Variants in MEX3C observed in about 807,000 individuals in gnomAD.
MEX3C encodes the protein RNA-binding E3 ubiquitin-protein ligase MEX3C.
MEX3C carries 15 observed loss-of-function variants against 35.5 expected under a neutral mutation model. The observed-to-expected ratio is 0.42, with a 90% CI of 0.28 to 0.65. The LOEUF is 0.65. Among genes scored for constraint, MEX3C ranks in the 30% least tolerant of loss-of-function variants. MEX3C has a pLI of 0.20. For missense variants in MEX3C, 711 were observed against 842.8 expected (o/e 0.84, Z 1.94); for synonymous variants, 390 against 352.8 (o/e 1.11, Z -1.18).
chr18:51,183,959 C>T (rs1912481524), intron 1 of MEX3C, among the ~76,000 whole-genome samples: 2 of 152,062 alleles, frequency 1.3e-5, no homozygotes, highest in African/African-American at 2.4e-5. Flanking sequence ...TATGATCACA[C>T]CAATGCACTC....
intron 1 of MEX3C, among the ~76,000 whole-genome samples, chr18:51,188,316 G>A (rs1912580858): frequency 6.6e-6 from 1 of 152,134 alleles, no homozygotes; most frequent in South Asian, 2.1e-4. Flanking sequence ...ATAAAAAGCT[G>A]TTTGGCCAGT....
Position 51,197,530 on chromosome 18 carries a change from G to A in MEX3C, c.-210C>T, listed in dbSNP as rs1351333766. Among the ~76,000 whole-genome samples, 2 of 133,058 alleles carry A rather than the reference G, an allele frequency of 1.5e-5. No homozygotes were observed. The highest frequency in any genetic ancestry group is 3.2e-5 in the Non-Finnish European group (2 of 61,698). 87.3% of individuals were successfully genotyped at this position (133,058 alleles called of 152,430 possible). A position where few individuals can be genotyped will look rare whatever the true frequency, so the allele number is the denominator to read the frequency against. On this transcript the variant is annotated 5_prime_UTR_variant, in exon 1 of 2. Coordinates refer to ENST00000406189, the MANE Select transcript of MEX3C (RefSeq NM_016626.5). ...GGAGGGGCAGGGGAAGGAGGCAGAGGTAGGTAACTAGGTGGGTGGGTGGGG... is the reference window on the plus strand; with the variant it reads ...GGAGGGGCAGGGGAAGGAGGCAGAGATAGGTAACTAGGTGGGTGGGTGGGG...
rs1912850180 is a variant in MEX3C at position 51,197,538 on chromosome 18, C to CTAGG, written c.-222_-219dup. ...AGGGGAAGGAGGCAGAGGTAGGTAA[C>CTAGG]TAGGTGGGTGGGTGGGGACGGCGGC... On this transcript the variant is annotated 5_prime_UTR_variant, in exon 1 of 2. Transcript: ENST00000406189. Among the ~76,000 whole-genome samples, 1 of 76,844 alleles carries CTAGG rather than the reference C, an allele frequency of 1.3e-5. No homozygotes were observed. Among genetic ancestry groups the CTAGG allele is most frequent in the Non-Finnish European group, 2.5e-5 (1 of 39,804 alleles). 50.4% of individuals were successfully genotyped at this position (76,844 alleles called of 152,430 possible).
At position 51,176,994 on chromosome 18, in the gene MEX3C, C is replaced by T; in HGVS notation, c.1337G>A (p.Ser446Asn). Residue 446 changes from serine to asparagine, a missense_variant, in exon 2 of 2, where the codon AGT becomes AAT. Physicochemically the swap from Ser to Asn is conservative, Grantham distance 46 (BLOSUM62 1). This residue lies in a region of MEX3C where 187 missense variants were observed against 201.7 expected (regional missense o/e 0.93). Coordinates refer to ENST00000406189, the MANE Select transcript of MEX3C (RefSeq NM_016626.5). ...ARMISNYRNDSSSSLGSGSTD... is the reference protein window; with the variant it reads ...ARMISNYRNDNSSSLGSGSTD... ...AGAGCCACTTCCTAGAGAACTGGAACTATCATTTCGATAATTGGATATCAT... is the reference window on the plus strand; with the variant it reads ...AGAGCCACTTCCTAGAGAACTGGAATTATCATTTCGATAATTGGATATCAT... The T allele has an allele frequency of 1.2e-6, 2 of 1,613,998 alleles. No homozygotes were observed. Among genetic ancestry groups the T allele is most frequent in the Non-Finnish European group, 1.7e-6 (2 of 1,179,894 alleles).
At chr18:51,195,276 GAAC>G (rs1912752036) in intron 1 of MEX3C, 1 of 152,216 alleles carries the variant, frequency 6.6e-6, no homozygotes, top group African/African-American at 2.4e-5. Context: ...TTAACCAGAA[GAAC>G]GACAAGCATA....
At position 51,176,639 on chromosome 18, in the gene MEX3C, T is replaced by G. The variant is rs752473481; in HGVS notation, c.1692A>C (p.Pro564=). The G allele has an allele frequency of 1.2e-6, 2 of 1,614,018 alleles. No individual in the cohort carries two copies. The highest frequency in any genetic ancestry group is 1.1e-5 in the South Asian group (1 of 91,082). The change falls in exon 2 of 2, where the codon CCA becomes CCC. Residue 564 remains proline, a synonymous_variant. Transcript: ENST00000406189. The stretch of plus-strand genomic sequence containing the variant: ...GGCCAACATGGTTGCCTGTACTAGG[T>G]GGGTCGCTCCTAACCCTCCGAGCAA... The part of the protein sequence containing the change: ...HPLARRVRSD[P]PSTGNHVGLP...
intron 1 of MEX3C, among the ~76,000 whole-genome samples, chr18:51,187,830 A>T (rs1240764658): frequency 2.0e-5 from 3 of 152,232 alleles, no homozygotes; most frequent in Non-Finnish European, 2.9e-5. Context: ...TTCCCCTTGG[A>T]ATAGTCTAGA....
chr18:51,191,171 T>G (rs1912641918), intron 1 of MEX3C, among the ~76,000 whole-genome samples: 1 of 152,222 alleles, frequency 6.6e-6, no homozygotes, highest in African/African-American at 2.4e-5. Flanking sequence ...TATAAAATAG[T>G]ACTGTAGTAG....
Position 51,176,362 on chromosome 18 carries a change from T to C in MEX3C, c.1969A>G (p.Ile657Val). The C allele has an allele frequency of 6.2e-7, 1 of 1,613,090 alleles. No homozygotes were observed. Among genetic ancestry groups the C allele is most frequent in the Non-Finnish European group, 8.5e-7 (1 of 1,179,470 alleles). Residue 657 changes from isoleucine (I) to valine (V), a missense_variant, in exon 2 of 2, where the codon ATT (isoleucine) becomes GTT (valine). This residue lies in a region of MEX3C where 87 missense variants were observed against 150.4 expected (regional missense o/e 0.58). Transcript: ENST00000406189. ...CQTAVTQAIQ[I>V]HS is the part of the protein sequence containing the mutation. ...GTATATATATATAGTTAAGAGTGAA[T>C]TTGGATTGCCTGAGTAACAGCTGTC...
chr18:51,196,585 C>T lies in MEX3C; in HGVS notation c.736G>A (p.Glu246Lys). ...CACTCACCCTGGCGGCCGACGATCT[C>T]GGCGACGTGCTCGGAGCTGGGCACC... is the stretch of plus-strand genomic sequence containing the variant. ...VPVPSSEHVA[E>K]IVGRQGCKIK... The change falls in exon 1 of 2, where the codon GAG becomes AAG. Residue 246 changes from glutamate to lysine, a missense_variant. Physicochemically the swap from Glu to Lys is moderately conservative, Grantham distance 56. This residue lies in a region of MEX3C where 83 missense variants were observed against 179.1 expected (regional missense o/e 0.46). Coordinates refer to ENST00000406189, the MANE Select transcript of MEX3C (RefSeq NM_016626.5). The T allele has an allele frequency of 6.3e-7, 1 of 1,591,130 alleles. No individual in the cohort carries two copies.
rs561131895 is a variant in MEX3C at position 51,187,230 on chromosome 18, C to G, written c.754+9337G>C. Among the ~76,000 whole-genome samples, 31 of 152,208 alleles carry G rather than the reference C, an allele frequency of 2.0e-4. No homozygotes were observed. The South Asian group carries it at 5.4e-3, about 26-fold the overall frequency. ...GTATTCCTTTTCCTCCCTGAGTTAT[C>G]TGAATAACAAACATGGCCATTTGGA... On this transcript the variant is annotated intron_variant, in intron 1 of 1. Coordinates refer to ENST00000406189, the MANE Select transcript of MEX3C (RefSeq NM_016626.5).
rs1383397100 is a variant in MEX3C at position 51,177,803 on chromosome 18, A to C, written c.755-227T>G. Reference sequence around the variant, plus strand: ...TCGATTTTCACAATTATCTGACAGAAGTTATTAAACTGACTTCCACCTAAT... The same window carrying C: ...TCGATTTTCACAATTATCTGACAGACGTTATTAAACTGACTTCCACCTAAT... On this transcript the variant is annotated intron_variant, in intron 1 of 1. Transcript: ENST00000406189. The surrounding 1 kb of genome is among the most constrained non-coding windows in gnomAD (Gnocchi z 4.2). Among the ~76,000 whole-genome samples the C allele has an allele frequency of 6.6e-6, 1 of 152,214 alleles. No homozygotes were observed. The highest frequency in any genetic ancestry group is 1.5e-5 in the Non-Finnish European group (1 of 68,032).
Position 51,177,389 on chromosome 18 carries a change from C to T in MEX3C, c.942G>A (p.Leu314=), listed in dbSNP as rs763235817. 49 of 1,613,974 alleles carry T rather than the reference C, an allele frequency of 3.0e-5. No individual in the cohort carries two copies. Among genetic ancestry groups the T allele is most frequent in the Non-Finnish European group, 4.0e-5 (47 of 1,179,884 alleles). ...RASRNKNGPA[L]GGLSCSPNLP... The stretch of plus-strand genomic sequence containing the variant: ...GATTAGGACTACATGATAATCCTCC[C>T]AGGGCAGGCCCATTTTTGTTTCGAG... Residue 314 remains leucine, a synonymous_variant, in exon 2 of 2, where the codon CTG becomes CTA. Coordinates refer to ENST00000406189, the MANE Select transcript of MEX3C (RefSeq NM_016626.5). The surrounding 1 kb of genome is among the most constrained non-coding windows in gnomAD (Gnocchi z 4.2).
In MEX3C at chr18:51,175,352, T is replaced by C. The variant is rs1186699631; in HGVS notation, c.*999A>G. On this transcript the variant is annotated 3_prime_UTR_variant, in exon 2 of 2. Transcript: ENST00000406189. Reference sequence around the variant, plus strand: ...AATCTTTCCTTGTGATTGGAAATAGTTTTGAAATGAAGTAAACTGATTGGA... The same window carrying C: ...AATCTTTCCTTGTGATTGGAAATAGCTTTGAAATGAAGTAAACTGATTGGA... 6.6e-6 allele frequency: 1 copy of C among 152,600 alleles called. No individual in the cohort carries two copies. 9.5% of individuals were successfully genotyped at this position (152,600 alleles called of 1,614,324 possible).
At chr18:51,180,231 G>T (rs541904978) in intron 1 of MEX3C, among the ~76,000 whole-genome samples, 10 of 152,172 alleles carry the variant, frequency 6.6e-5, no homozygotes, top group African/African-American at 2.4e-4. Context: ...TACCTAACAG[G>T]TATATTATTA....
chr18:51,190,530 A>C (rs990673212), intron 1 of MEX3C, among the ~76,000 whole-genome samples: 1 of 152,136 alleles, frequency 6.6e-6, no homozygotes, highest in Non-Finnish European at 1.5e-5. Flanking sequence ...GCTTAGTCTT[A>C]TTATTCCATG....
intron 1 of MEX3C, among the ~76,000 whole-genome samples, chr18:51,179,031 T>A (rs1912366784): frequency 6.7e-6 from 1 of 149,306 alleles, no homozygotes; most frequent in African/African-American, 2.5e-5. Context: ...TGAGACAGAG[T>A]CTCGCTCTGT....
At chr18:51,181,089 T>C (rs1912418235) in intron 1 of MEX3C, among the ~76,000 whole-genome samples, 1 of 152,206 alleles carries the variant, frequency 6.6e-6, no homozygotes, top group African/African-American at 2.4e-5. Flanking sequence ...CTTTTTTGAG[T>C]ACTTTGAGTT....
intron 1 of MEX3C, chr18:51,193,897 C>G (rs770483473): frequency 2.2e-4 from 34 of 152,170 alleles, no homozygotes; most frequent in Admixed American, 2.2e-3. Flanking sequence ...TGCTTCAGAG[C>G]TGAAGTCATA....
Sources: gnomAD v4.1 joint callset for allele counts (sites outside exome capture counted in the v4.1 genomes callset) on GRCh38, gnomAD v4.1.1 for gene constraint, gnomAD v4.1.1 regional missense constraint, Gnocchi (gnomAD v3.1) non-coding constraint, MANE v1.5 for transcripts, NCBI Gene and HGNC (gene_info 2026-07-23, HGNC 2026-07-21) for gene names.